Variants in XKR9 observed in about 807,000 individuals in gnomAD.
The protein encoded by XKR9 is XK related 9, also known as XK-related protein 9.
Under a neutral mutation model 32.0 loss-of-function variants are expected in XKR9, and 32 were observed. The ratio of observed to expected loss-of-function variants is 1.00; its 90% CI spans 0.76 to 1.34. XKR9 has a LOEUF of 1.34. XKR9 is among the 40% of genes most tolerant of loss of function. The pLI is 0.00. For missense variants in XKR9, 546 were observed against 429.7 expected (o/e 1.27, Z -2.39); for synonymous variants, 168 against 143.4 (o/e 1.17, Z -1.22).
the XKR9 span, among the ~76,000 whole-genome samples, chr8:71,050,270 G>GATATAGAT: frequency 7.0e-4 from 86 of 123,716 alleles, 1 homozygote; most frequent in African/African-American, 2.6e-3. Flanking sequence ...TAGATAGATA[G>GATATAGAT]ATAGATATAG....
the XKR9 span, among the ~76,000 whole-genome samples, chr8:70,881,427 A>AAAAC: frequency 6.6e-6 from 1 of 151,838 alleles, no homozygotes; most frequent in Admixed American, 6.6e-5. Flanking sequence ...TTACAAGAAA[A>AAAAC]AAACAACCCC....
chr8:70,700,199 G>A (rs958383622), intron 3 of XKR9, among the ~76,000 whole-genome samples: 1 of 152,190 alleles, frequency 6.6e-6, no homozygotes, highest in Non-Finnish European at 1.5e-5. Context: ...GTCATTCTCT[G>A]TCCAGCTTTG....
intron 2 of XKR9, among the ~76,000 whole-genome samples, chr8:70,756,895 T>C (rs1021227132): frequency 6.6e-6 from 1 of 152,180 alleles, no homozygotes; most frequent in Non-Finnish European, 1.5e-5. Context: ...ATAGAAGTGT[T>C]GAGGGTGGAC....
chr8:70,840,018 A>G, the XKR9 span, among the ~76,000 whole-genome samples: 16 of 152,264 alleles, frequency 1.1e-4, no homozygotes, highest in East Asian at 7.7e-4. Flanking sequence ...AGCGTGTTGT[A>G]TACACTCTCC....
the XKR9 span, among the ~76,000 whole-genome samples, chr8:70,995,532 C>T: frequency 6.6e-6 from 1 of 152,182 alleles, no homozygotes; most frequent in Non-Finnish European, 1.5e-5. Flanking sequence ...CTTGCTCTAA[C>T]ACCTTGAAGA....
intron 4 of XKR9, among the ~76,000 whole-genome samples, chr8:70,713,137 GAAAATTC>G (rs1805975692): frequency 6.6e-6 from 1 of 152,084 alleles, no homozygotes; most frequent in African/African-American, 2.4e-5. Flanking sequence ...TACTGAAATA[GAAAATTC>G]AGGAATTGAA....
the XKR9 span, among the ~76,000 whole-genome samples, chr8:70,957,816 G>A: frequency 7.6e-6 from 1 of 132,066 alleles, no homozygotes. Flanking sequence ...TTGGGACGGA[G>A]TCTCACTCTT....
the XKR9 span, among the ~76,000 whole-genome samples, chr8:70,839,339 T>C: frequency 6.6e-6 from 1 of 152,178 alleles, no homozygotes; most frequent in Non-Finnish European, 1.5e-5. Flanking sequence ...ATCTGCACCG[T>C]TGTCCCTGAA....
At chr8:71,032,281 C>CAAAAA in the XKR9 span, among the ~76,000 whole-genome samples, 5 of 73,206 alleles carry the variant, frequency 6.8e-5, no homozygotes, top group African/African-American at 1.5e-4. Context: ...GAGACTCTGT[C>CAAAAA]AAAAAAAAAA....
At chr8:70,692,094 T>A (rs1209884234) in intron 3 of XKR9, among the ~76,000 whole-genome samples, 2 of 152,162 alleles carry the variant, frequency 1.3e-5, no homozygotes, top group Admixed American at 6.6e-5. Flanking sequence ...TTGAGCAGTG[T>A]TTTGTCATTC....
chr8:70,719,440 T>G (rs1240169093), intron 4 of XKR9, among the ~76,000 whole-genome samples: 2 of 152,102 alleles, frequency 1.3e-5, no homozygotes, highest in African/African-American at 4.8e-5. Context: ...GGTTTTAGGT[T>G]TTAGGTTTAA....
chr8:70,948,390 G>A, the XKR9 span, among the ~76,000 whole-genome samples: 25 of 151,982 alleles, frequency 1.6e-4, no homozygotes, highest in African/African-American at 3.4e-4. Context: ...ATTTTAATCC[G>A]ATACCAAGAC....
the XKR9 span, among the ~76,000 whole-genome samples, chr8:70,800,035 C>T: frequency 1.3e-5 from 2 of 152,062 alleles, no homozygotes; most frequent in African/African-American, 2.4e-5. Flanking sequence ...GGTATGTTCC[C>T]TCAATACCTA....
At chr8:70,987,521 G>A in the XKR9 span, among the ~76,000 whole-genome samples, 2 of 152,242 alleles carry the variant, frequency 1.3e-5, no homozygotes, top group Non-Finnish European at 2.9e-5. Flanking sequence ...CTCACATCCA[G>A]CTCATGCTGA....
chr8:71,050,262 G>GATATAT, the XKR9 span, among the ~76,000 whole-genome samples: 3 of 79,800 alleles, frequency 3.8e-5, no homozygotes, highest in Non-Finnish European at 5.4e-5. Flanking sequence ...TATATATATA[G>GATATAT]ATAGATAGAT....
chr8:70,899,953 T>G, the XKR9 span, among the ~76,000 whole-genome samples: 1 of 152,168 alleles, frequency 6.6e-6, no homozygotes, highest in Non-Finnish European at 1.5e-5. Flanking sequence ...GAATAATGAT[T>G]CAAAAAAGAT....
At chr8:70,963,407 G>A in the XKR9 span, among the ~76,000 whole-genome samples, 1 of 152,160 alleles carries the variant, frequency 6.6e-6, no homozygotes, top group African/African-American at 2.4e-5. Flanking sequence ...TTGCTGTTGT[G>A]AGTAGTACTG....
At chr8:71,034,213 T>C in the XKR9 span, among the ~76,000 whole-genome samples, 1 of 152,126 alleles carries the variant, frequency 6.6e-6, no homozygotes, top group African/African-American at 2.4e-5. Flanking sequence ...TGGAAGGTGA[T>C]TAGATCATGG....
chr8:70,868,704 A>G, the XKR9 span, among the ~76,000 whole-genome samples: 124 of 152,242 alleles, frequency 8.1e-4, no homozygotes, highest in African/African-American at 3.0e-3. Flanking sequence ...TGTCTTGGGG[A>G]TTAACATTAG....
Sources: allele counts gnomAD v4.1 joint callset (sites outside exome capture counted in the v4.1 genomes callset), GRCh38; gene constraint gnomAD v4.1.1; transcripts MANE v1.5; gene names NCBI Gene and HGNC (gene_info 2026-07-23, HGNC 2026-07-21).